Variants in ICE2 observed in about 807,000 individuals in gnomAD.
ICE2 encodes the protein little elongation complex subunit 2.
ICE2 carries 87 observed loss-of-function variants against 105.4 expected under a neutral mutation model. The ratio of observed to expected loss-of-function variants is 0.83; its 90% CI spans 0.69 to 0.99. ICE2 has a LOEUF of 0.99. Ranked by LOEUF, ICE2 falls within the 50% of genes least tolerant of loss-of-function variation. The pLI is 0.00. For synonymous variants in ICE2, 399 were observed against 392.0 expected (o/e 1.02, Z -0.21); for missense variants, 1,323 against 1,146.7 (o/e 1.15, Z -2.22).
intron 3 of ICE2, among the ~76,000 whole-genome samples, chr15:60,469,599 C>T (rs948517751): frequency 6.6e-6 from 1 of 152,158 alleles, no homozygotes; most frequent in African/African-American, 2.4e-5. Context: ...TTGGTGTCAC[C>T]TTTGTTATTC....
chr15:60,432,101 T>C (rs2063472638), intron 13 of ICE2, 117 bp from the exon 14 acceptor site: 1 of 326,420 alleles, frequency 3.1e-6, no homozygotes, highest in South Asian at 3.6e-5. Flanking sequence ...GCGGATGAGA[T>C]AATGTAATAC....
In ICE2 at chr15:60,421,587, C is replaced by T. The variant is rs182489185; in HGVS notation, c.*2047G>A. 6.6e-6 allele frequency: 1 copy of T among 152,200 alleles called. No individual in the cohort carries two copies. Among genetic ancestry groups the T allele is most frequent in the Non-Finnish European group, 1.5e-5 (1 of 67,992 alleles). 9.4% of individuals were successfully genotyped at this position (152,200 alleles called of 1,614,324 possible). On this transcript the variant is annotated 3_prime_UTR_variant, in exon 16 of 16. Transcript: ENST00000261520. ...TTAAAAGGCAAGTCTTTCTGGTATT[C>T]AGAAGTCTGAAGCAACCACTGTCCA...
rs751162426 is a variant in ICE2 at position 60,455,373 on chromosome 15, T to C, written c.736A>G (p.Ile246Val). The C allele has an allele frequency of 5.9e-5, 96 of 1,613,880 alleles. 3 individuals are homozygous for C. In the South Asian group the frequency reaches 1.0e-3, roughly 18 times the overall value. ...TGTTCTGACGTTTCAATGGTAGCTA[T>C]ATCGTCCTTTGACAGCTGCAACTTT... ...PIKLQLSKDDIATIETSEQTA... is the reference protein window; with the variant it reads ...PIKLQLSKDDVATIETSEQTA... Residue 246 changes from isoleucine (I) to valine (V), a missense_variant, in exon 7 of 16, where the codon ATA becomes GTA. Ile to Val is a conservative substitution (Grantham distance 29). Coordinates refer to ENST00000261520, the MANE Select transcript of ICE2 (RefSeq NM_024611.6).
At chr15:60,464,905 A>G (rs963066141) in intron 5 of ICE2, among the ~76,000 whole-genome samples, 2 of 152,136 alleles carry the variant, frequency 1.3e-5, no homozygotes, top group Non-Finnish European at 2.9e-5. Flanking sequence ...CAGGAGGCTG[A>G]GCTGGGGAGG....
rs780819163 is a variant in ICE2, at chr15:60,449,044, T to A, written c.1923A>T (p.Lys641Asn). ...LKKPIKRVYK[K>N]FDPVGEILKM... ...TTAAAATCTCTCCAACTGGATCAAA[T>A]TTTTTATATACTCGTTTGATAGGTT... is the stretch of plus-strand genomic sequence containing the variant. Residue 641 changes from lysine (K) to asparagine (N), a missense_variant, in exon 10 of 16, where the codon AAA becomes AAT. By Grantham distance (94) the Lys-to-Asn change is moderately conservative. Transcript: ENST00000261520. The A allele has an allele frequency of 1.2e-5, 19 of 1,613,226 alleles. No homozygotes were observed. In the South Asian group the frequency reaches 2.1e-4, roughly 18 times the overall value.
intron 5 of ICE2, among the ~76,000 whole-genome samples, chr15:60,465,439 G>T (rs188635578): frequency 6.6e-6 from 1 of 151,870 alleles, no homozygotes; most frequent in African/African-American, 2.4e-5. Flanking sequence ...CTTCTGCCTC[G>T]GCCTCCCAAA....
At chr15:60,428,887 T>C (rs1244965881) in intron 14 of ICE2, among the ~76,000 whole-genome samples, 200 bp from the exon 15 acceptor site, 1 of 152,232 alleles carries the variant, frequency 6.6e-6, no homozygotes, top group Non-Finnish European at 1.5e-5. Context: ...TAATTCTTAT[T>C]CCAAAGTTCA....
chr15:60,472,370 CTG>C (rs1239395029), intron 3 of ICE2, among the ~76,000 whole-genome samples: 1 of 151,924 alleles, frequency 6.6e-6, no homozygotes, highest in East Asian at 1.9e-4. Flanking sequence ...CCTGAAATAA[CTG>C]TAATAATTAT....
Position 60,449,604 on chromosome 15 carries a change from T to C in ICE2, c.1363A>G (p.Ser455Gly), listed in dbSNP as rs377074846. Residue 455 changes from serine (S) to glycine (G), a missense_variant, in exon 10 of 16, where the codon AGT becomes GGT. Transcript: ENST00000261520. ...SAPDISANSR[S>G]LSQILMEQLQ... is the part of the protein sequence containing the mutation. Reference sequence around the variant, plus strand: ...TGTTCCATCAGAATCTGAGATAAACTTCTAGAATTAGCAGAAATGTCTGGT... The same window carrying C: ...TGTTCCATCAGAATCTGAGATAAACCTCTAGAATTAGCAGAAATGTCTGGT... 2 of 1,614,080 alleles carry C rather than the reference T, an allele frequency of 1.2e-6. No homozygotes were observed. The highest frequency in any genetic ancestry group is 1.3e-5 in the African/African-American group (1 of 74,930).
intron 12 of ICE2, among the ~76,000 whole-genome samples, chr15:60,436,935 T>C (rs1396363635): frequency 2.0e-5 from 3 of 152,044 alleles, no homozygotes; most frequent in Admixed American, 6.6e-5. Flanking sequence ...AGGTAAAAAT[T>C]AGATTATGAA....
chr15:60,438,228 C>T (rs758610890), intron 12 of ICE2: 4 of 152,078 alleles, frequency 2.6e-5, no homozygotes, highest in Admixed American at 6.5e-5. Context: ...GAATATAAGA[C>T]GTATCAATGT....
chr15:60,430,855 A>T (rs1016135455), intron 14 of ICE2, among the ~76,000 whole-genome samples: 12 of 152,198 alleles, frequency 7.9e-5, no homozygotes, highest in African/African-American at 2.9e-4. Flanking sequence ...CCATGGATCT[A>T]AATGACTGTT....
At chr15:60,443,996 G>A (rs1048499822) in intron 11 of ICE2, among the ~76,000 whole-genome samples, 1 of 152,100 alleles carries the variant, frequency 6.6e-6, no homozygotes, top group Admixed American at 6.6e-5. Context: ...AGTTACTCAG[G>A]AGGCTGAGGT....
At chr15:60,424,207 G>A (rs1281858039) in intron 15 of ICE2, among the ~76,000 whole-genome samples, 1 of 151,390 alleles carries the variant, frequency 6.6e-6, no homozygotes, top group Non-Finnish European at 1.5e-5. Flanking sequence ...GGACAAACAA[G>A]AAAGATAATA....
chr15:60,476,126 C>A lies in ICE2; in HGVS notation c.83G>T (p.Arg28Leu), dbSNP rs912762907. The change falls in exon 3 of 16, where the codon CGA becomes CTA. Residue 28 changes from arginine (R) to leucine (L), a missense_variant. Transcript: ENST00000261520. ...PKNGLKTFFS[R>L]ENYKDHSMAP... Reference sequence around the variant, plus strand: ...CATGGAATGATCTTTATAATTTTCTCGAGAGAAAAATGTCTTAAGGCCATT... The same window carrying A: ...CATGGAATGATCTTTATAATTTTCTAGAGAGAAAAATGTCTTAAGGCCATT... 1.2e-6 allele frequency: 2 copies of A among 1,606,728 alleles called. No individual in the cohort carries two copies. The highest frequency in any genetic ancestry group is 1.1e-5 in the South Asian group (1 of 89,640).
At chr15:60,477,689 C>T (rs768479428) in intron 2 of ICE2, among the ~76,000 whole-genome samples, 2 of 152,100 alleles carry the variant, frequency 1.3e-5, no homozygotes, top group Non-Finnish European at 2.9e-5. Flanking sequence ...ACAATAAATA[C>T]CTGAGGGAAT....
intron 11 of ICE2, among the ~76,000 whole-genome samples, chr15:60,445,248 TA>T (rs2063798237): frequency 1.3e-5 from 2 of 152,372 alleles, no homozygotes; most frequent in Middle Eastern, 3.4e-3. Context: ...ATGGGGGATG[TA>T]ATTTTGCTGA....
At chr15:60,472,349 A>T (rs567982950) in intron 3 of ICE2, among the ~76,000 whole-genome samples, 4 of 152,164 alleles carry the variant, frequency 2.6e-5, no homozygotes, top group Non-Finnish European at 5.9e-5. Context: ...AAACAGTTGT[A>T]AACAATAAAG....
chr15:60,468,396 C>CCCTGGTGATTGAG, intron 3 of ICE2, 74 bp from the exon 4 acceptor site: 3 of 1,162,228 alleles, frequency 2.6e-6, no homozygotes, highest in Non-Finnish European at 3.7e-6. Context: ...TCATGATTCT[C>CCCTGGTGATTGAG]AATCACCAGG....
Sources: allele counts gnomAD v4.1 joint callset (sites outside exome capture counted in the v4.1 genomes callset), GRCh38; gene constraint gnomAD v4.1.1; transcripts MANE v1.5; gene names NCBI Gene and HGNC (gene_info 2026-07-23, HGNC 2026-07-21).